Variants in CELF2 observed in about 807,000 individuals in gnomAD.
CELF2 encodes the protein CUGBP Elav-like family member 2.
A neutral mutation model predicts 62.6 loss-of-function variants in CELF2; 8 were observed. The ratio of observed to expected loss-of-function variants is 0.13; its 90% CI spans 0.07 to 0.23. CELF2 has a LOEUF of 0.23. CELF2 is among the 10% of genes least tolerant of loss of function. CELF2 has a pLI of 1.00. For missense variants in CELF2, 333 were observed against 671.0 expected (o/e 0.50, Z 5.56); for synonymous variants, 258 against 250.0 (o/e 1.03, Z -0.30).
the CELF2 span, among the ~76,000 whole-genome samples, chr10:10,472,111 GT>G: frequency 6.6e-6 from 1 of 151,722 alleles, no homozygotes; most frequent in Non-Finnish European, 1.5e-5. Flanking sequence ...CATTCATTAA[GT>G]TTTCTGAATC....
In CELF2 at chr10:11,143,730, CCTT is replaced by C. The variant is rs781577441; in HGVS notation, c.75-21755_75-21753del. On this transcript the variant is annotated intron_variant, in intron 1 of 12. Coordinates refer to ENST00000633077, the MANE Select transcript of CELF2 (RefSeq NM_001326342.2). Reference sequence around the variant, plus strand: ...CCAAAGGCACCAGTCTTAGTATAGACCTTGCATTAACCTTTTCAGTGTTCTGCC... The same window carrying C: ...CCAAAGGCACCAGTCTTAGTATAGACGCATTAACCTTTTCAGTGTTCTGCC... Among the ~76,000 whole-genome samples, 239 of 152,316 alleles carry C rather than the reference CCTT, an allele frequency of 1.6e-3. 1 individual carries two copies. The highest frequency in any genetic ancestry group is 3.4e-3 in the Middle Eastern group (1 of 294).
chr10:10,905,605 G>A (rs1393887756), intron 1 of CELF2, among the ~76,000 whole-genome samples: 6 of 150,398 alleles, frequency 4.0e-5, no homozygotes, highest in South Asian at 4.2e-4. Flanking sequence ...AGGGCTGGGC[G>A]TGGTGGCTCA....
chr10:10,548,196 G>A, the CELF2 span, among the ~76,000 whole-genome samples: 2 of 152,164 alleles, frequency 1.3e-5, no homozygotes, highest in Non-Finnish European at 2.9e-5. Flanking sequence ...TTAAATCAAG[G>A]GGGTGCACCA....
chr10:10,512,400 G>GC, the CELF2 span, among the ~76,000 whole-genome samples: 1 of 137,570 alleles, frequency 7.3e-6, no homozygotes, highest in African/African-American at 2.7e-5. Flanking sequence ...CTTTTGGAAC[G>GC]CTTTTTTTTT....
chr10:10,604,840 A>G, the CELF2 span, among the ~76,000 whole-genome samples: 1 of 152,258 alleles, frequency 6.6e-6, no homozygotes, highest in African/African-American at 2.4e-5. Flanking sequence ...TGTATATTCC[A>G]TCTCACCATT....
chr10:11,036,856 G>A (rs7092157), intron 1 of CELF2, among the ~76,000 whole-genome samples: 61,220 of 151,728 alleles, frequency 0.4, 12,849 homozygotes, highest in East Asian at 0.77. Flanking sequence ...GGTGTATTTG[G>A]CAATTTGTCT....
chr10:10,926,627 A>G (rs966829601), intron 2 of CELF2, among the ~76,000 whole-genome samples: 2 of 152,210 alleles, frequency 1.3e-5, no homozygotes, highest in African/African-American at 2.4e-5. Context: ...CGTGGGGACC[A>G]TGTCCATCTT....
At chr10:11,170,459 C>T (rs2068493340) in intron 2 of CELF2, among the ~76,000 whole-genome samples, 1 of 152,184 alleles carries the variant, frequency 6.6e-6, no homozygotes, top group Admixed American at 6.5e-5. Flanking sequence ...AGGCCGGTCA[C>T]ACTTAGATCA....
chr10:10,847,507 G>T (rs1184147772), intron 1 of CELF2, among the ~76,000 whole-genome samples: 1 of 152,130 alleles, frequency 6.6e-6, no homozygotes, highest in African/African-American at 2.4e-5. Flanking sequence ...TCCTCACTCT[G>T]TAAACATTCA....
intron 2 of CELF2, among the ~76,000 whole-genome samples, chr10:10,926,398 C>A (rs1373756816): frequency 6.6e-6 from 1 of 152,210 alleles, no homozygotes; most frequent in Non-Finnish European, 1.5e-5. Context: ...CATGTGAGGA[C>A]ACCGTAAGAA....
chr10:11,284,517 T>G, intron 8 of CELF2, among the ~76,000 whole-genome samples: 10 of 135,994 alleles, frequency 7.4e-5, no homozygotes, highest in Non-Finnish European at 1.1e-4. Context: ...GAGGGATGAG[T>G]GTGTGGTGGG....
intron 1 of CELF2, among the ~76,000 whole-genome samples, chr10:10,849,636 A>G (rs541485709): frequency 4.1e-4 from 62 of 152,268 alleles, no homozygotes; most frequent in African/African-American, 1.4e-3. Flanking sequence ...TTACATAACG[A>G]CAGTACAATT....
Position 11,257,870 on chromosome 10 carries a change from G to A in CELF2, c.536G>A (p.Arg179Gln), listed in dbSNP as rs2079282707. Residue 179 changes from arginine to glutamine, a missense_variant and splice_region_variant, in exon 5 of 13, where the codon CGA becomes CAA. Arg to Gln is a conservative substitution (Grantham distance 43). Around this residue, in one of 3 missense-constraint regions of CELF2, gnomAD observed 253 missense variants for 503.0 expected, o/e 0.50. Coordinates refer to ENST00000633077, the MANE Select transcript of CELF2 (RefSeq NM_001326342.2). ...RILRGPDGLS[R>Q]GCAFVTFSTR... ...CTCCGGGGACCTGATGGGCTGAGTC[G>A]AGGTGAGTGTGCTGTCTGGAAAGCC... The A allele has an allele frequency of 6.2e-7, 1 of 1,614,150 alleles. No individual in the cohort carries two copies. Among genetic ancestry groups the A allele is most frequent in the Non-Finnish European group, 8.5e-7 (1 of 1,180,004 alleles).
chr10:11,002,031 A>G (rs530433921), upstream of CELF2, among the ~76,000 whole-genome samples: 110 of 152,272 alleles, frequency 7.2e-4, 1 homozygote, highest in South Asian at 5.4e-3. The surrounding 1 kb of genome is among the most constrained non-coding windows in gnomAD (Gnocchi z 4.4). Flanking sequence ...GTATTAGTCC[A>G]TTTTCACATT....
intron 7 of CELF2, among the ~76,000 whole-genome samples, chr10:11,272,210 A>G (rs938158648): frequency 6.6e-6 from 1 of 152,104 alleles, no homozygotes; most frequent in Non-Finnish European, 1.5e-5. Flanking sequence ...CTTTCTGTCC[A>G]TTTCTCTACC....
chr10:10,943,444 A>G (rs1294560233), intron 2 of CELF2, among the ~76,000 whole-genome samples: 1 of 152,188 alleles, frequency 6.6e-6, no homozygotes, highest in Non-Finnish European at 1.5e-5. Context: ...TATTTCTTAC[A>G]AGGATGGGCA....
the CELF2 span, among the ~76,000 whole-genome samples, chr10:10,723,269 C>T: frequency 6.6e-6 from 1 of 152,118 alleles, no homozygotes; most frequent in Non-Finnish European, 1.5e-5. Context: ...GTCTAGCTGT[C>T]TAAAGTAAAC....
At chr10:10,805,655 A>C (rs1445764168) in intron 1 of CELF2, among the ~76,000 whole-genome samples, 2 of 152,130 alleles carry the variant, frequency 1.3e-5, no homozygotes, top group Non-Finnish European at 2.9e-5. Flanking sequence ...CGGGTGGATG[A>C]AATCATTTTT....
At chr10:10,552,300 T>C in the CELF2 span, among the ~76,000 whole-genome samples, 1 of 152,164 alleles carries the variant, frequency 6.6e-6, no homozygotes, top group Admixed American at 6.5e-5. Flanking sequence ...TAGCAATGAA[T>C]GGATAGGCAG....
Sources: gnomAD v4.1 joint callset for allele counts (sites outside exome capture counted in the v4.1 genomes callset) on GRCh38, gnomAD v4.1.1 for gene constraint, gnomAD v4.1.1 regional missense constraint, Gnocchi (gnomAD v3.1) non-coding constraint, MANE v1.5 for transcripts, NCBI Gene and HGNC (gene_info 2026-07-23, HGNC 2026-07-21) for gene names.